The following CSMD3 variants were observed in gnomAD, a reference collection of about 807,000 sequenced individuals.
CSMD3 encodes CUB and Sushi multiple domains 3.
A neutral mutation model predicts 435.2 loss-of-function variants in CSMD3; 177 were observed. The ratio of observed to expected loss-of-function variants is 0.41; its 90% confidence interval spans 0.36 to 0.46. The LOEUF (loss-of-function observed/expected upper bound fraction) is 0.46, where lower values mean the gene tolerates loss of function less well. Ranked by LOEUF, CSMD3 falls within the 20% of genes least tolerant of loss-of-function variation. The probability of loss-of-function intolerance (pLI) is 0.34; values close to 1 mark genes in which losing one functional copy is unlikely to be tolerated. For missense variants in CSMD3, 4,265 were observed against 4,504.6 expected, an observed-to-expected ratio of 0.95 and a Z score of 1.52; for synonymous variants, 1,656 against 1,520.5, an observed-to-expected ratio of 1.09 and a Z score of -2.07.
intron 30 of CSMD3, among the ~76,000 whole-genome samples, chr8:112,496,766 A>G (rs1821390834): frequency 6.6e-6 from 1 of 152,160 alleles, no homozygotes; most frequent in African/African-American, 2.4e-5. Context: ...TCATGGAGTT[A>G]GAGGGTAGAA....
At chr8:112,984,433 T>C (rs1044714502) in intron 6 of CSMD3, among the ~76,000 whole-genome samples, 4 of 152,088 alleles carry the variant, frequency 2.6e-5, no homozygotes, top group African/African-American at 9.7e-5. Context: ...AATTTAGCCA[T>C]AAAATGTAAC....
chr8:112,282,769 G>A (rs933817791), intron 58 of CSMD3, among the ~76,000 whole-genome samples: 1 of 151,982 alleles, frequency 6.6e-6, no homozygotes, highest in Non-Finnish European at 1.5e-5. Flanking sequence ...ATGAGTGAAG[G>A]CTTAAAGCTT....
intron 5 of CSMD3, among the ~76,000 whole-genome samples, chr8:113,083,759 C>T (rs1477771859): frequency 6.6e-6 from 1 of 151,698 alleles, no homozygotes; most frequent in Non-Finnish European, 1.5e-5. Flanking sequence ...TCACTTGAGC[C>T]CAGGAGTTCA....
chr8:112,609,063 A>G (rs1303399641), intron 22 of CSMD3, among the ~76,000 whole-genome samples: 2 of 151,598 alleles, frequency 1.3e-5, no homozygotes, highest in Admixed American at 1.3e-4. Flanking sequence ...AAGACAACAC[A>G]TGGTGGCGCA....
At chr8:112,841,550 A>C (rs1268906154) in intron 11 of CSMD3, among the ~76,000 whole-genome samples, 1 of 151,840 alleles carries the variant, frequency 6.6e-6, no homozygotes, top group African/African-American at 2.4e-5. Context: ...GCTAACTAGA[A>C]GCTTCCTGAT....
intron 5 of CSMD3, among the ~76,000 whole-genome samples, chr8:113,050,970 T>A (rs1022798468): frequency 6.6e-6 from 1 of 152,078 alleles, no homozygotes; most frequent in Non-Finnish European, 1.5e-5. Context: ...AACAGTGACA[T>A]AACATTTGGT....
intron 32 of CSMD3, among the ~76,000 whole-genome samples, chr8:112,432,941 A>T (rs1360566693): frequency 6.6e-6 from 1 of 151,980 alleles, no homozygotes; most frequent in Non-Finnish European, 1.5e-5. Flanking sequence ...GAATTTTTAT[A>T]ATGATATCAG....
intron 22 of CSMD3, among the ~76,000 whole-genome samples, chr8:112,616,501 G>T (rs1833674494): frequency 6.6e-6 from 1 of 152,076 alleles, no homozygotes. Flanking sequence ...TTATGGCATT[G>T]TCAAGTAGTC....
intron 45 of CSMD3, among the ~76,000 whole-genome samples, chr8:112,321,254 T>C (rs1344798189): frequency 1.3e-5 from 2 of 152,128 alleles, no homozygotes; most frequent in African/African-American, 2.4e-5. Context: ...AAATACACAG[T>C]AGCTTATACA....
intron 12 of CSMD3, 74 bp from the exon 13 acceptor site, chr8:112,800,348 G>A (rs2078931502): frequency 1.0e-6 from 1 of 981,158 alleles, no homozygotes; most frequent in Admixed American, 1.7e-5. Context: ...TAAGACAGAT[G>A]TGTTTCTCAA....
At chr8:113,127,649 C>T (rs2091172833) in intron 4 of CSMD3, among the ~76,000 whole-genome samples, 1 of 152,046 alleles carries the variant, frequency 6.6e-6, no homozygotes, top group South Asian at 2.1e-4. Context: ...TACTGATCAT[C>T]CTAATGTGTC....
chr8:113,328,048 A>C (rs1300883800), intron 1 of CSMD3, among the ~76,000 whole-genome samples: 2 of 152,048 alleles, frequency 1.3e-5, no homozygotes, highest in East Asian at 1.9e-4. Context: ...AATTGTTATA[A>C]TGTTGAAGTT....
In CSMD3 at chr8:113,141,735, T is replaced by A. The variant is rs1333568282; in HGVS notation, c.709+31987A>T. On this transcript the variant is annotated intron_variant, in intron 4 of 70. Transcript: ENST00000297405. ...AACCTATAGATAAATTTGTACTTAG[T>A]GCTGAAAATTTTCTATAACATCAGG... Among the ~76,000 whole-genome samples, 8 of 151,030 alleles carry A rather than the reference T, an allele frequency of 5.3e-5. No homozygotes were observed. The Admixed American group carries it at 5.3e-4, about 10-fold the overall frequency.
At chr8:113,145,778 A>G (rs530172194) in intron 4 of CSMD3, among the ~76,000 whole-genome samples, 2 of 151,780 alleles carry the variant, frequency 1.3e-5, no homozygotes, top group South Asian at 4.1e-4. Flanking sequence ...TACTTAATAA[A>G]GATGTCTTTA....
intron 2 of CSMD3, among the ~76,000 whole-genome samples, chr8:113,295,454 A>G (rs2093713823): frequency 6.6e-6 from 1 of 152,208 alleles, no homozygotes; most frequent in South Asian, 2.1e-4. Flanking sequence ...TTTTCCCATC[A>G]AAGAACATTA....
chr8:113,278,423 A>C (rs113250137), intron 3 of CSMD3, among the ~76,000 whole-genome samples, 169 bp downstream of exon 3: 16 of 150,840 alleles, frequency 1.1e-4, no homozygotes, highest in African/African-American at 3.9e-4. Context: ...ATTAAAACCC[A>C]CTAAGTATAG....
intron 32 of CSMD3, among the ~76,000 whole-genome samples, chr8:112,470,481 T>A (rs987877109): frequency 6.6e-6 from 1 of 152,116 alleles, no homozygotes; most frequent in Non-Finnish European, 1.5e-5. Context: ...ACTTTAGAGA[T>A]GTGTAGGGTT....
chr8:112,899,567 A>G (rs1311913015), intron 10 of CSMD3, among the ~76,000 whole-genome samples: 1 of 140,956 alleles, frequency 7.1e-6, no homozygotes, highest in Admixed American at 7.2e-5. Flanking sequence ...AGGTATCTAT[A>G]CCAACCTAAC....
intron 1 of CSMD3, among the ~76,000 whole-genome samples, chr8:113,347,272 C>T (rs4335149): frequency 0.97 from 147,433 of 152,204 alleles, 71,426 homozygotes; most frequent in East Asian, 1. Flanking sequence ...ACAATATTTT[C>T]CCTTTTTTTC....
Sources: allele counts gnomAD v4.1 joint callset (sites outside exome capture counted in the v4.1 genomes callset), GRCh38; gene constraint gnomAD v4.1.1; transcripts MANE v1.5; gene names NCBI Gene and HGNC (gene_info 2026-07-23, HGNC 2026-07-21).